The following HS3ST4 variants were observed in gnomAD, a reference collection of about 807,000 sequenced individuals.
HS3ST4 encodes heparan sulfate glucosamine 3-O-sulfotransferase 4.
A neutral mutation model predicts 29.2 loss-of-function variants in HS3ST4; 17 were observed. That is an observed-to-expected ratio of 0.58 (90% confidence interval 0.40 to 0.87). The LOEUF (loss-of-function observed/expected upper bound fraction) is 0.87. Ranked by LOEUF, HS3ST4 falls within the 40% of genes least tolerant of loss-of-function variation. The pLI is 0.00. For missense variants in HS3ST4, 627 were observed against 634.5 expected, an observed-to-expected ratio of 0.99 and a Z score of 0.13; for synonymous variants, 314 against 285.7, an observed-to-expected ratio of 1.10 and a Z score of -1.00.
chr16:25,878,342 A>C (rs1279416750), intron 1 of HS3ST4, among the ~76,000 whole-genome samples: 3 of 152,112 alleles, frequency 2.0e-5, no homozygotes, highest in African/African-American at 7.2e-5. Context: ...TCATTCCCAG[A>C]TTCTTTAACC....
chr16:25,725,034 T>C (rs1286852814), intron 1 of HS3ST4, among the ~76,000 whole-genome samples: 2 of 2,314 alleles, frequency 8.6e-4, no homozygotes, highest in African/African-American at 1.6e-3. Context: ...TTCCTCCCTC[T>C]TTTTTTTTTT....
At chr16:25,750,290 A>G (rs1966710733) in intron 1 of HS3ST4, among the ~76,000 whole-genome samples, 2 of 152,196 alleles carry the variant, frequency 1.3e-5, no homozygotes, top group African/African-American at 4.8e-5. Flanking sequence ...CCAAAATTTA[A>G]TGTTCTAGTG....
At chr16:26,040,656 T>G (rs537422786) in intron 1 of HS3ST4, among the ~76,000 whole-genome samples, 1 of 149,652 alleles carries the variant, frequency 6.7e-6, no homozygotes, top group South Asian at 2.2e-4. Context: ...CTGTGAACAC[T>G]TGTGGGGTGT....
rs146354994 is a variant in HS3ST4, at chr16:25,826,806, G to A, written c.734+133655G>A. 6.8e-3 allele frequency among the ~76,000 whole-genome samples: 1,035 copies of A among 152,160 alleles called. 8 individuals carry two copies. The highest frequency in any genetic ancestry group is 0.027 in the Middle Eastern group (8 of 294). On this transcript the variant is annotated intron_variant, in intron 1 of 1. Transcript: ENST00000331351. Reference sequence around the variant, plus strand: ...CCCGGGTGATTTTAATAGCTTTCATGGTATATAATTTCCATGAGTGGGTTT... The same window carrying A: ...CCCGGGTGATTTTAATAGCTTTCATAGTATATAATTTCCATGAGTGGGTTT...
intron 1 of HS3ST4, among the ~76,000 whole-genome samples, chr16:26,000,785 T>G (rs1969205285): frequency 6.6e-6 from 1 of 152,158 alleles, no homozygotes; most frequent in African/African-American, 2.4e-5. Context: ...TATGTGAACT[T>G]CATAAATGTC....
chr16:26,135,511 G>T, intron 1 of HS3ST4, 101 bp from the exon 2 acceptor site: 1 of 1,138,938 alleles, frequency 8.8e-7, no homozygotes, highest in East Asian at 2.5e-5. Context: ...TTTATTTGGT[G>T]GTTCCAAACT....
chr16:25,792,951 C>T (rs908467841), intron 1 of HS3ST4, among the ~76,000 whole-genome samples: 2 of 151,900 alleles, frequency 1.3e-5, no homozygotes, highest in Admixed American at 1.3e-4. Flanking sequence ...ATTTCAGCTG[C>T]ATTCTACCAA....
intron 1 of HS3ST4, among the ~76,000 whole-genome samples, chr16:25,781,162 T>C (rs1489660414): frequency 6.6e-6 from 1 of 152,164 alleles, no homozygotes; most frequent in Non-Finnish European, 1.5e-5. Flanking sequence ...CTCTCCAGGA[T>C]TGAAGCTGGG....
intron 1 of HS3ST4, among the ~76,000 whole-genome samples, chr16:25,785,861 G>C (rs1966857003): frequency 6.6e-6 from 1 of 152,130 alleles, no homozygotes; most frequent in African/African-American, 2.4e-5. Context: ...AGGCAGGCAA[G>C]GTGCCTTCAG....
At chr16:25,696,136 G>A (rs1966294485) in intron 1 of HS3ST4, among the ~76,000 whole-genome samples, 1 of 152,226 alleles carries the variant, frequency 6.6e-6, no homozygotes, top group Admixed American at 6.5e-5. Flanking sequence ...GGATGCATGT[G>A]TTAAAATCTA....
intron 1 of HS3ST4, among the ~76,000 whole-genome samples, chr16:25,984,627 C>T (rs765818079): frequency 6.6e-5 from 10 of 152,168 alleles, no homozygotes; most frequent in Non-Finnish European, 1.0e-4. Flanking sequence ...AGGAGATCAC[C>T]TATTTTTAGC....
chr16:25,936,442 T>G (rs546927545), intron 1 of HS3ST4, among the ~76,000 whole-genome samples: 56 of 152,290 alleles, frequency 3.7e-4, no homozygotes, highest in African/African-American at 1.3e-3. Flanking sequence ...CATGCAAAAA[T>G]CTTGTGTTAG....
intron 1 of HS3ST4, among the ~76,000 whole-genome samples, chr16:25,865,425 T>C (rs192468064): frequency 6.6e-6 from 1 of 152,316 alleles, no homozygotes; most frequent in Admixed American, 6.5e-5. Flanking sequence ...TGTTGAACAC[T>C]TTTTCATGTA....
chr16:25,922,322 G>C (rs1968362017), intron 1 of HS3ST4, among the ~76,000 whole-genome samples: 1 of 152,166 alleles, frequency 6.6e-6, no homozygotes, highest in Admixed American at 6.5e-5. Flanking sequence ...CCTTAGCAAA[G>C]AGTCCCCAGA....
chr16:25,821,057 A>ATTTTTT lies in HS3ST4; in HGVS notation c.734+127921_734+127926dup, dbSNP rs1259738012. Among the ~76,000 whole-genome samples the ATTTTTT allele has an allele frequency of 2.3e-3, 313 of 135,016 alleles. 4 individuals carry two copies. Among genetic ancestry groups the ATTTTTT allele is most frequent in the African/African-American group, 8.4e-3 (305 of 36,230 alleles). The allele number at this position is 135,016 out of a possible 152,430, so 88.6% of individuals were successfully genotyped here. A position where few individuals can be genotyped will look rare whatever the true frequency, so the allele number is the denominator to read the frequency against. ...CATTGACATTCATTTGCGCCTTTGA[A>ATTTTTT]TTTTTTTTTTTTTTTTTTTTGAGAC... On this transcript the variant is annotated intron_variant, in intron 1 of 1. Transcript: ENST00000331351.
intron 1 of HS3ST4, among the ~76,000 whole-genome samples, chr16:26,112,100 G>A (rs1899139491): frequency 1.3e-5 from 2 of 152,094 alleles, no homozygotes; most frequent in Admixed American, 6.6e-5. Flanking sequence ...TGTGTCTTGG[G>A]AGGCTCTAAA....
At chr16:26,130,091 G>A (rs952663017) in intron 1 of HS3ST4, among the ~76,000 whole-genome samples, 1 of 152,156 alleles carries the variant, frequency 6.6e-6, no homozygotes, top group African/African-American at 2.4e-5. Flanking sequence ...AGAGTGCAGT[G>A]GGGACAGGGC....
rs570993079 is a variant in HS3ST4 at position 26,122,603 on chromosome 16, T to G, written c.735-13009T>G. On this transcript the variant is annotated intron_variant, in intron 1 of 1. Transcript: ENST00000331351. ...CTCAGGTGGTAAGGAGAAAGAGATTTCTAATAATTCACTAGGATATATGCC... is the reference window on the plus strand; with the variant it reads ...CTCAGGTGGTAAGGAGAAAGAGATTGCTAATAATTCACTAGGATATATGCC... Among the ~76,000 whole-genome samples, 8 of 152,302 alleles carry G rather than the reference T, an allele frequency of 5.3e-5. No individual in the cohort carries two copies. The South Asian group carries it at 6.2e-4, about 12-fold the overall frequency.
chr16:25,877,067 G>A (rs1348661311), intron 1 of HS3ST4, among the ~76,000 whole-genome samples: 1 of 151,790 alleles, frequency 6.6e-6, no homozygotes, highest in Non-Finnish European at 1.5e-5. Context: ...ATCCTAGATG[G>A]GTCTTTAATT....
Sources: gnomAD v4.1 joint callset for allele counts (sites outside exome capture counted in the v4.1 genomes callset) on GRCh38, gnomAD v4.1.1 for gene constraint, MANE v1.5 for transcripts, NCBI Gene and HGNC (gene_info 2026-07-23, HGNC 2026-07-21) for gene names.